Variants in RFX8 observed in about 807,000 individuals in gnomAD.
The protein encoded by RFX8 is DNA-binding protein RFX8.
Under a neutral mutation model 54.6 loss-of-function variants are expected in RFX8, and 46 were observed. That is an observed-to-expected ratio of 0.84 (90% CI 0.67 to 1.08). RFX8 has a LOEUF of 1.08. Among genes scored for constraint, RFX8 ranks in the 50% least tolerant of loss-of-function variants. The pLI is 0.00. For missense variants in RFX8, 536 were observed against 562.3 expected (o/e 0.95, Z 0.47); for synonymous variants, 192 against 209.5 (o/e 0.92, Z 0.72).
intron 10 of RFX8, among the ~76,000 whole-genome samples, chr2:101,404,348 T>C (rs749199512): frequency 6.6e-6 from 1 of 152,206 alleles, no homozygotes; most frequent in Non-Finnish European, 1.5e-5. Context: ...CTGAAACCAT[T>C]GTTCAAACTA....
intron 11 of RFX8, 94 bp downstream of exon 11, chr2:101,402,342 G>A: frequency 9.0e-7 from 1 of 1,113,590 alleles, no homozygotes; most frequent in Non-Finnish European, 1.3e-6. Flanking sequence ...GTTTATCATT[G>A]TTTGGACAAA....
intron 2 of RFX8, among the ~76,000 whole-genome samples, chr2:101,427,775 T>C (rs992461768): frequency 6.6e-6 from 1 of 152,176 alleles, no homozygotes; most frequent in Non-Finnish European, 1.5e-5. Context: ...TACCCATTGT[T>C]CCACGTCTAT....
intron 2 of RFX8, among the ~76,000 whole-genome samples, chr2:101,422,880 TATC>T (rs1253518159): frequency 1.9e-4 from 29 of 152,348 alleles, no homozygotes; most frequent in African/African-American, 4.3e-4. Flanking sequence ...ATTCTGCCTA[TATC>T]ATAACAACCG....
intron 1 of RFX8, 93 bp from the exon 2 acceptor site, chr2:101,466,993 G>A: frequency 1.5e-6 from 1 of 657,314 alleles, no homozygotes; most frequent in Non-Finnish European, 2.7e-6. Flanking sequence ...TGTGTATGAG[G>A]TTCCAATAAA....
chr2:101,454,679 G>T (rs1355033005), intron 2 of RFX8, among the ~76,000 whole-genome samples: 8 of 152,154 alleles, frequency 5.3e-5, no homozygotes, highest in Non-Finnish European at 8.8e-5. Flanking sequence ...GTGTCTGTTG[G>T]CTGCATAAAT....
Position 101,397,630 on chromosome 2 carries a change from C to T in RFX8, c.1340G>A (p.Gly447Glu), listed in dbSNP as rs759859895. The T allele has an allele frequency of 6.4e-7, 1 of 1,551,292 alleles. No individual in the cohort carries two copies. Among genetic ancestry groups the T allele is most frequent in the East Asian group, 2.4e-5 (1 of 40,904 alleles). ...TGATATCTGAATCACAAATTGTTGT[C>T]CATCTTTTAGGGTTATGAGGGCTTC... ...GQEALITLKD[G>E]QQFVIQISDV... The change falls in exon 12 of 12, where the codon GGA (glycine) becomes GAA (glutamate). Residue 447 changes from glycine to glutamate, a missense_variant. Coordinates refer to ENST00000428343, the MANE Select transcript of RFX8 (RefSeq NM_001145664.2).
chr2:101,440,600 C>G (rs905184760), intron 2 of RFX8, among the ~76,000 whole-genome samples: 1 of 152,160 alleles, frequency 6.6e-6, no homozygotes, highest in Admixed American at 6.5e-5. Flanking sequence ...ACACAGGAAG[C>G]CTCACAAGGG....
chr2:101,438,107 T>G (rs998430660), intron 2 of RFX8, among the ~76,000 whole-genome samples: 4 of 152,206 alleles, frequency 2.6e-5, no homozygotes, highest in Non-Finnish European at 5.9e-5. Flanking sequence ...CATAAGATAT[T>G]TTGATATAGG....
intron 2 of RFX8, among the ~76,000 whole-genome samples, chr2:101,445,567 A>G (rs1347225295): frequency 6.6e-6 from 1 of 150,698 alleles, no homozygotes; most frequent in Non-Finnish European, 1.5e-5. Flanking sequence ...ATAGTTATAT[A>G]TAAATATATA....
chr2:101,421,375 A>G (rs1271421614), intron 4 of RFX8: 1 of 1,013,974 alleles, frequency 9.9e-7, no homozygotes, highest in Non-Finnish European at 1.2e-6. Flanking sequence ...GTATCAATCA[A>G]ATGGCTCTTC....
At position 101,400,228 on chromosome 2, in the gene RFX8, G is replaced by A. The variant is rs994452733; in HGVS notation, c.1245+2208C>T. 3.9e-5 allele frequency among the ~76,000 whole-genome samples: 6 copies of A among 152,294 alleles called. No homozygotes were observed. The East Asian group carries it at 7.7e-4, about 20-fold the overall frequency. ...GTATATAATTTGACTAACATTCTCC[G>A]CTTGGCTGAACTTTAGTCTGGCTCC... On this transcript the variant is annotated intron_variant, in intron 11 of 11. Transcript: ENST00000428343.
intron 2 of RFX8, among the ~76,000 whole-genome samples, chr2:101,463,771 AGGGG>A (rs1689417953): frequency 6.6e-6 from 1 of 151,956 alleles, no homozygotes; most frequent in Non-Finnish European, 1.5e-5. Flanking sequence ...TCCCTCCCAG[AGGGG>A]TCAGGCCACA....
intron 2 of RFX8, among the ~76,000 whole-genome samples, chr2:101,458,093 C>T (rs1689081696): frequency 6.6e-6 from 1 of 152,064 alleles, no homozygotes; most frequent in South Asian, 2.1e-4. Flanking sequence ...TTATTTTGAG[C>T]CTACCTGTGT....
intron 2 of RFX8, among the ~76,000 whole-genome samples, chr2:101,442,376 C>T (rs1390943375): frequency 1.3e-5 from 2 of 152,178 alleles, no homozygotes; most frequent in African/African-American, 2.4e-5. Context: ...ATTATCATTT[C>T]CTTTCTCTTT....
chr2:101,412,749 G>T lies in RFX8; in HGVS notation c.718+166C>A, dbSNP rs929980714. Among the ~76,000 whole-genome samples the T allele has an allele frequency of 3.3e-5, 5 of 152,248 alleles. No homozygotes were observed. The East Asian group carries it at 9.7e-4, about 29-fold the overall frequency. On this transcript the variant is annotated intron_variant, in intron 8 of 11. Coordinates refer to ENST00000428343, the MANE Select transcript of RFX8 (RefSeq NM_001145664.2). ...AGCACAGGGACAGGGCGTCCCCTGG[G>T]GTGTTCATCACCCCACTACAGGAAG...
At chr2:101,474,445 G>C (rs1690196420) in intron 1 of RFX8, 191 bp downstream of exon 1, 1 of 359,108 alleles carries the variant, frequency 2.8e-6, no homozygotes, top group Non-Finnish European at 5.0e-6. Flanking sequence ...GCCCGAGCCC[G>C]GGGGCGCGGA....
chr2:101,408,490 A>T (rs1685891021), intron 9 of RFX8, among the ~76,000 whole-genome samples: 1 of 151,766 alleles, frequency 6.6e-6, no homozygotes, highest in Non-Finnish European at 1.5e-5. Context: ...CTCAAAAAAA[A>T]AAAACAAAAA....
chr2:101,410,095 CCCT>C (rs1686020958), intron 9 of RFX8, among the ~76,000 whole-genome samples: 3 of 151,924 alleles, frequency 2.0e-5, no homozygotes, highest in African/African-American at 7.3e-5. Context: ...TAGACAAAAC[CCCT>C]CCTCCTTTTC....
chr2:101,421,281 C>G, intron 4 of RFX8: 1 of 986,452 alleles, frequency 1.0e-6, no homozygotes, highest in Non-Finnish European at 1.2e-6. Context: ...TTTTCCACAG[C>G]CAATTCTAGG....
Sources: allele counts gnomAD v4.1 joint callset (sites outside exome capture counted in the v4.1 genomes callset), GRCh38; gene constraint gnomAD v4.1.1; transcripts MANE v1.5; gene names NCBI Gene and HGNC (gene_info 2026-07-23, HGNC 2026-07-21).